The following WARS2 variants were observed in gnomAD, a reference collection of about 807,000 sequenced individuals.
The protein encoded by WARS2 is tryptophanyl tRNA synthetase 2, mitochondrial, also known as tryptophan--tRNA ligase, mitochondrial.
A neutral mutation model predicts 36.5 loss-of-function variants in WARS2; 28 were observed. That is an observed-to-expected ratio of 0.77 (90% CI 0.57 to 1.05). The LOEUF (loss-of-function observed/expected upper bound fraction) is 1.05. WARS2 is among the 50% of genes least tolerant of loss of function. The probability of loss-of-function intolerance (pLI) is 0.00; values close to 1 mark genes in which losing one functional copy is unlikely to be tolerated. For missense variants in WARS2, 435 were observed against 456.8 expected, an observed-to-expected ratio of 0.95 and a Z score of 0.44; for synonymous variants, 174 against 178.4, an observed-to-expected ratio of 0.98 and a Z score of 0.20.
intron 1 of WARS2, among the ~76,000 whole-genome samples, chr1:119,078,428 A>G (rs1651907110): frequency 6.6e-6 from 1 of 152,166 alleles, no homozygotes; most frequent in South Asian, 2.1e-4. Flanking sequence ...ATAGTGAACT[A>G]TTCCTAAGTA....
At chr1:119,054,030 C>T (rs1377228488) in intron 2 of WARS2, among the ~76,000 whole-genome samples, 2 of 151,504 alleles carry the variant, frequency 1.3e-5, no homozygotes, top group African/African-American at 2.4e-5. Flanking sequence ...GCACTCCAGC[C>T]TGAGCAACAG....
At chr1:119,054,369 G>A (rs1431302871) in intron 2 of WARS2, among the ~76,000 whole-genome samples, 1 of 151,996 alleles carries the variant, frequency 6.6e-6, no homozygotes, top group African/African-American at 2.4e-5. Flanking sequence ...CCACTAGGAT[G>A]GCTGCCATAT....
In WARS2 at chr1:119,033,231, C is replaced by T. The variant is rs1382520304; in HGVS notation, c.763G>A (p.Val255Met). The T allele has an allele frequency of 2.5e-6, 4 of 1,614,266 alleles. No individual in the cohort carries two copies. In the South Asian group the frequency reaches 3.3e-5, roughly 13 times the overall value. Residue 255 changes from valine to methionine, a missense_variant, in exon 6 of 6, where the codon GTG (valine) becomes ATG (methionine). Transcript: ENST00000235521. Reference protein sequence around the residue: ...EEIVQKFRKAVTDFTSEVTYD... With the variant: ...EEIVQKFRKAMTDFTSEVTYD... The stretch of plus-strand genomic sequence containing the variant: ...GTGACCTCCGAGGTGAAGTCTGTCA[C>T]AGCCTTGCGGAATTTCTGCACTATC...
intron 1 of WARS2, 91 bp downstream of exon 1, chr1:119,140,464 A>C (rs1251560354): frequency 3.3e-6 from 4 of 1,208,810 alleles, no homozygotes; most frequent in Non-Finnish European, 4.7e-6. Context: ...TTTCCCTAAG[A>C]AGCGGGAGGA....
Position 119,042,261 on chromosome 1 carries a change from TACTTGTACA to T in WARS2, c.509_515+2del. The T allele has an allele frequency of 1.2e-6, 2 of 1,613,796 alleles. No homozygotes were observed. The highest frequency in any genetic ancestry group is 8.5e-7 in the Non-Finnish European group (1 of 1,179,786). On this transcript the variant is annotated splice_donor_variant and coding_sequence_variant, in exon 4 of 6. Coordinates refer to ENST00000235521, the MANE Select transcript of WARS2 (RefSeq NM_015836.4). LOFTEE classifies it high-confidence loss of function. ...ATAAGACTGGGCTGAACTCTCTTCTTACTTGTACAACAGAATGTCGGCTGCCTGGAGTAC... is the reference window on the plus strand; with the variant it reads ...ATAAGACTGGGCTGAACTCTCTTCTTACAGAATGTCGGCTGCCTGGAGTAC...
At chr1:119,085,752 A>G in intron 1 of WARS2, 5 of 1,583,670 alleles carry the variant, frequency 3.2e-6, no homozygotes, top group Non-Finnish European at 3.5e-6. Context: ...CTTGTCCCAC[A>G]TGAGATTAAT....
chr1:119,068,825 ACTCT>A lies in WARS2; in HGVS notation c.348+7521_348+7524del, dbSNP rs10647679. Among the ~76,000 whole-genome samples the A allele has an allele frequency of 6.7e-5, 10 of 149,510 alleles. No individual in the cohort carries two copies. The South Asian group carries it at 1.9e-3, about 28-fold the overall frequency. On this transcript the variant is annotated intron_variant, in intron 2 of 5. Coordinates refer to ENST00000235521, the MANE Select transcript of WARS2 (RefSeq NM_015836.4). The stretch of plus-strand genomic sequence containing the variant: ...CCCACGACGTGTCCCTCTCTCTCTT[ACTCT>A]CTCTCTCTCTCACACACACACACAT...
chr1:119,072,411 T>TA (rs1350449856), intron 2 of WARS2, among the ~76,000 whole-genome samples: 16 of 152,206 alleles, frequency 1.1e-4, no homozygotes, highest in Middle Eastern at 3.4e-3. Flanking sequence ...AGAAAGCAAC[T>TA]AAAAAACTAA....
intron 1 of WARS2, among the ~76,000 whole-genome samples, chr1:119,090,754 G>A (rs1218310666): frequency 6.6e-6 from 1 of 152,080 alleles, no homozygotes; most frequent in African/African-American, 2.4e-5. Context: ...AAATTAGCCA[G>A]GCATGGTAGC....
chr1:119,035,206 C>T (rs1647769495), intron 4 of WARS2, among the ~76,000 whole-genome samples: 1 of 152,114 alleles, frequency 6.6e-6, no homozygotes, highest in Non-Finnish European at 1.5e-5. Context: ...AAATTTTATA[C>T]TGAAGCAATA....
intron 2 of WARS2, chr1:119,063,322 TTTATAAGGGAAGC>T (rs567049495): frequency 4.4e-4 from 67 of 152,248 alleles, no homozygotes; most frequent in African/African-American, 1.5e-3. Flanking sequence ...GGCATTCAGT[TTTATAAGGGAAGC>T]AGAGCTAAAA....
At chr1:119,100,265 C>T (rs1271385993) in intron 1 of WARS2, among the ~76,000 whole-genome samples, 3 of 151,998 alleles carry the variant, frequency 2.0e-5, no homozygotes, top group Non-Finnish European at 4.4e-5. Context: ...TATCATCTTA[C>T]CCAAATCAGA....
intron 4 of WARS2, among the ~76,000 whole-genome samples, chr1:119,040,632 AG>A (rs1648271512): frequency 6.6e-6 from 1 of 152,230 alleles, no homozygotes; most frequent in Non-Finnish European, 1.5e-5. Flanking sequence ...TCTATAAAGA[AG>A]TAGGCCTTGA....
intron 1 of WARS2, among the ~76,000 whole-genome samples, chr1:119,099,665 G>C (rs1653718450): frequency 6.6e-6 from 1 of 152,152 alleles, no homozygotes. Context: ...CTTTCATTAG[G>C]AAATAAATTT....
chr1:119,085,744 T>G, intron 1 of WARS2: 2 of 1,581,370 alleles, frequency 1.3e-6, no homozygotes, highest in Non-Finnish European at 1.7e-6. Context: ...CCAGTCTTCT[T>G]GTCCCACATG....
In WARS2 at chr1:119,140,616, C is replaced by T; in HGVS notation, c.29G>A (p.Arg10His). 9 of 1,613,852 alleles carry T rather than the reference C, an allele frequency of 5.6e-6. No individual in the cohort carries two copies. Among genetic ancestry groups the T allele is most frequent in the Non-Finnish European group, 7.6e-6 (9 of 1,179,834 alleles). The change falls in exon 1 of 6, where the codon CGT becomes CAT. Residue 10 changes from arginine to histidine, a missense_variant. Physicochemically the swap from Arg to His is conservative, Grantham distance 29. Transcript: ENST00000235521. MALHSMRKARERWSFIRALH... is the reference protein window; with the variant it reads MALHSMRKAHERWSFIRALH... Reference sequence around the variant, plus strand: ...TGCCCGGATGAAGCTCCAGCGCTCACGCGCTTTCCGCATTGAGTGCAGCGC... The same window carrying T: ...TGCCCGGATGAAGCTCCAGCGCTCATGCGCTTTCCGCATTGAGTGCAGCGC...
At chr1:119,100,183 G>T (rs1653758209) in intron 1 of WARS2, among the ~76,000 whole-genome samples, 1 of 152,028 alleles carries the variant, frequency 6.6e-6, no homozygotes, top group South Asian at 2.1e-4. Context: ...CATGAAAATG[G>T]CAAACAGGTA....
At chr1:119,071,170 T>TA (rs1238382817) in intron 2 of WARS2, among the ~76,000 whole-genome samples, 2 of 151,950 alleles carry the variant, frequency 1.3e-5, no homozygotes, top group Non-Finnish European at 2.9e-5. Flanking sequence ...AGATTCCGTC[T>TA]AAAAAAACAA....
At chr1:119,117,408 G>A (rs1376794732) in intron 1 of WARS2, among the ~76,000 whole-genome samples, 3 of 152,156 alleles carry the variant, frequency 2.0e-5, no homozygotes, top group Non-Finnish European at 2.9e-5. Flanking sequence ...CATCACCTGA[G>A]AAACCTGAGT....
Sources: allele counts gnomAD v4.1 joint callset (sites outside exome capture counted in the v4.1 genomes callset), GRCh38; gene constraint gnomAD v4.1.1; transcripts MANE v1.5; gene names NCBI Gene and HGNC (gene_info 2026-07-23, HGNC 2026-07-21).